CAMK4: variants seen among roughly 807,000 people sequenced by gnomAD.
The protein encoded by CAMK4 is calcium/calmodulin dependent protein kinase IV, also known as calcium/calmodulin-dependent protein kinase type IV.
Under a neutral mutation model 44.9 loss-of-function variants are expected in CAMK4, and 22 were observed. That is an observed-to-expected ratio of 0.49 (90% CI 0.35 to 0.70). The LOEUF is 0.70. CAMK4 is among the 30% of genes least tolerant of loss of function. CAMK4 has a pLI of 0.01. For missense variants in CAMK4, 498 were observed against 586.8 expected, an observed-to-expected ratio of 0.85 and a Z score of 1.56; for synonymous variants, 218 against 215.4, an observed-to-expected ratio of 1.01 and a Z score of -0.11.
chr5:111,423,952 G>A (rs544893568), intron 5 of CAMK4, among the ~76,000 whole-genome samples: 181 of 152,216 alleles, frequency 1.2e-3, no homozygotes, highest in African/African-American at 4.0e-3. Context: ...TTTTACATAC[G>A]AGGAGACCAA....
At chr5:111,476,103 A>C (rs745436237) in intron 8 of CAMK4, among the ~76,000 whole-genome samples, 2 of 151,800 alleles carry the variant, frequency 1.3e-5, no homozygotes, top group African/African-American at 2.4e-5. Context: ...GTATGTACAT[A>C]AACTCTGGGG....
At chr5:111,437,669 C>T (rs1182242404) in intron 5 of CAMK4, among the ~76,000 whole-genome samples, 1 of 151,912 alleles carries the variant, frequency 6.6e-6, no homozygotes, top group African/African-American at 2.4e-5. Context: ...GGAGAGCTGG[C>T]CAGATGAAGA....
At chr5:111,275,324 T>C (rs1206453348) in intron 1 of CAMK4, among the ~76,000 whole-genome samples, 4 of 151,900 alleles carry the variant, frequency 2.6e-5, no homozygotes, top group African/African-American at 9.7e-5. Context: ...CACTTTAATT[T>C]CTTCTTCTTT....
chr5:111,320,006 C>T (rs997898683), intron 1 of CAMK4, among the ~76,000 whole-genome samples: 1 of 151,978 alleles, frequency 6.6e-6, no homozygotes, highest in Admixed American at 6.6e-5. Context: ...TCCAATGAGT[C>T]TAGGATGGAA....
chr5:111,310,906 A>G (rs1398807369), intron 1 of CAMK4, among the ~76,000 whole-genome samples: 3 of 152,130 alleles, frequency 2.0e-5, no homozygotes, highest in African/African-American at 7.2e-5. Flanking sequence ...AGCTGTGTTC[A>G]TCTGACAGCA....
chr5:111,421,871 CA>C (rs1483989964), intron 5 of CAMK4, among the ~76,000 whole-genome samples: 1 of 152,128 alleles, frequency 6.6e-6, no homozygotes, highest in Non-Finnish European at 1.5e-5. Context: ...ATGCTGTTCT[CA>C]TGATAGTGAA....
chr5:111,406,951 G>A (rs571151074), intron 5 of CAMK4, among the ~76,000 whole-genome samples: 7 of 152,174 alleles, frequency 4.6e-5, no homozygotes, highest in Non-Finnish European at 1.0e-4. Flanking sequence ...CAGCTATTCT[G>A]TTAGGTTTCA....
At chr5:111,244,736 C>T (rs1749156803) in intron 1 of CAMK4, among the ~76,000 whole-genome samples, 1 of 152,104 alleles carries the variant, frequency 6.6e-6, no homozygotes, top group African/African-American at 2.4e-5. Context: ...TGGTGCGTGC[C>T]TGTAGTCCCA....
chr5:111,460,547 G>T (rs1049393121), intron 7 of CAMK4, among the ~76,000 whole-genome samples: 4 of 151,968 alleles, frequency 2.6e-5, no homozygotes, highest in Non-Finnish European at 5.9e-5. Flanking sequence ...CACTTAACAC[G>T]AGACACTTTA....
At chr5:111,344,439 C>T (rs200677736) in intron 2 of CAMK4, among the ~76,000 whole-genome samples, 7 of 138,406 alleles carry the variant, frequency 5.1e-5, no homozygotes, top group African/African-American at 7.5e-5. Flanking sequence ...CACATACACA[C>T]ACACACACTA....
rs911517590 is a variant in CAMK4, at chr5:111,492,818, A to G, written c.*8352A>G. 3 of 152,296 alleles carry G rather than the reference A, an allele frequency of 2.0e-5. No homozygotes were observed. The highest frequency in any genetic ancestry group is 2.0e-4 in the Admixed American group (3 of 15,272). The allele number at this position is 152,296 out of a possible 1,614,324, so 9.4% of individuals were successfully genotyped here. ...AGTTGGAGAGAAAAGCCAACCTTAT[A>G]GATACAACCTGTACATATATAACCT... On this transcript the variant is annotated 3_prime_UTR_variant, in exon 11 of 11. Transcript: ENST00000282356.
chr5:111,264,914 C>T (rs1446345882), intron 1 of CAMK4, among the ~76,000 whole-genome samples: 7 of 152,090 alleles, frequency 4.6e-5, no homozygotes, highest in Non-Finnish European at 1.0e-4. Flanking sequence ...TGTAAGTTTC[C>T]ATGACTGGCT....
At chr5:111,300,523 T>A (rs1265597698) in intron 1 of CAMK4, among the ~76,000 whole-genome samples, 1 of 152,242 alleles carries the variant, frequency 6.6e-6, no homozygotes, top group African/African-American at 2.4e-5. Context: ...AAATTTAAAT[T>A]AATGTTTTAT....
At chr5:111,358,356 A>C (rs1750454087) in intron 2 of CAMK4, among the ~76,000 whole-genome samples, 1 of 152,030 alleles carries the variant, frequency 6.6e-6, no homozygotes, top group Non-Finnish European at 1.5e-5. Context: ...TGCAGTATGA[A>C]CACAGGTGTG....
At chr5:111,422,066 G>C (rs971110030) in intron 5 of CAMK4, among the ~76,000 whole-genome samples, 1 of 151,998 alleles carries the variant, frequency 6.6e-6, no homozygotes, top group African/African-American at 2.4e-5. Context: ...CCCATGCTTG[G>C]GTATGTCTTT....
intron 1 of CAMK4, among the ~76,000 whole-genome samples, chr5:111,247,931 G>A (rs1749311672): frequency 6.6e-6 from 1 of 152,128 alleles, no homozygotes; most frequent in African/African-American, 2.4e-5. Flanking sequence ...GGTAGATTAA[G>A]GATTGCTCTA....
intron 1 of CAMK4, among the ~76,000 whole-genome samples, chr5:111,292,120 C>T (rs182312235): frequency 6.6e-6 from 1 of 152,216 alleles, no homozygotes; most frequent in East Asian, 1.9e-4. Context: ...AATGCATAAC[C>T]TAGGTGATGG....
At chr5:111,421,318 C>A (rs1015681728) in intron 5 of CAMK4, among the ~76,000 whole-genome samples, 3 of 152,162 alleles carry the variant, frequency 2.0e-5, no homozygotes, top group Non-Finnish European at 2.9e-5. Flanking sequence ...AATCCCATCC[C>A]AAGTATGTAG....
intron 1 of CAMK4, among the ~76,000 whole-genome samples, chr5:111,256,308 T>C (rs1275613635): frequency 6.6e-6 from 1 of 152,184 alleles, no homozygotes. Flanking sequence ...TTGGGTGTGA[T>C]CACAAAGAGG....
Sources: allele counts gnomAD v4.1 joint callset (sites outside exome capture counted in the v4.1 genomes callset), GRCh38; gene constraint gnomAD v4.1.1; transcripts MANE v1.5; gene names NCBI Gene and HGNC (gene_info 2026-07-23, HGNC 2026-07-21).